The following CABP1 variants were observed in gnomAD, a reference collection of about 807,000 sequenced individuals.
CABP1 encodes calcium binding protein 1.
A neutral mutation model predicts 34.3 loss-of-function variants in CABP1; 17 were observed. The ratio of observed to expected loss-of-function variants is 0.50; its 90% CI spans 0.34 to 0.74. The LOEUF (loss-of-function observed/expected upper bound fraction) is 0.74, where lower values mean the gene tolerates loss of function less well. CABP1 is among the 30% of genes least tolerant of loss of function. The probability of loss-of-function intolerance (pLI) is 0.01; values close to 1 mark genes in which losing one functional copy is unlikely to be tolerated. For missense variants in CABP1, 373 were observed against 511.1 expected (o/e 0.73, Z 2.61); for synonymous variants, 198 against 229.2 (o/e 0.86, Z 1.23).
In CABP1 at chr12:120,667,177, C is replaced by G. The variant is rs1881058787; in HGVS notation, c.*277C>G. 1 of 558,334 alleles carries G rather than the reference C, an allele frequency of 1.8e-6. No individual in the cohort carries two copies. The allele number at this position is 558,334 out of a possible 1,614,324, so 34.6% of individuals were successfully genotyped here. A position where few individuals can be genotyped will look rare whatever the true frequency, so the allele number is the denominator to read the frequency against. On this transcript the variant is annotated 3_prime_UTR_variant, in exon 6 of 6. Transcript: ENST00000316803. ...GCGCCAAGGGCCATGTGCCCAGCTG[C>G]TGCTGGCTGGGTGGGCCAGGGAGCC...
chr12:120,653,760 C>T (rs751375877), intron 1 of CABP1, among the ~76,000 whole-genome samples: 65 of 152,138 alleles, frequency 4.3e-4, no homozygotes, highest in Non-Finnish European at 7.2e-4. Flanking sequence ...CTTGAACTCC[C>T]AACTTCAGGT....
chr12:120,652,744 G>A (rs1011003112), intron 1 of CABP1, among the ~76,000 whole-genome samples: 2 of 152,054 alleles, frequency 1.3e-5, no homozygotes, highest in African/African-American at 4.8e-5. Context: ...ACATTCATTC[G>A]GCAAGAGGGA....
chr12:120,650,404 C>T (rs115793257), intron 1 of CABP1: 6 of 1,218,184 alleles, frequency 4.9e-6, no homozygotes, highest in Admixed American at 3.0e-5. Flanking sequence ...GAAAGTTAAA[C>T]CCACACACAA....
chr12:120,650,723 G>A, intron 1 of CABP1: 1 of 1,594,544 alleles, frequency 6.3e-7, no homozygotes, highest in Non-Finnish European at 8.6e-7. Flanking sequence ...CTGGGGATTG[G>A]GGGTATCTCA....
chr12:120,658,088 C>CTTTTTTTTT (rs140287793), intron 1 of CABP1, among the ~76,000 whole-genome samples: 1 of 86,212 alleles, frequency 1.2e-5, no homozygotes, highest in Non-Finnish European at 2.2e-5. Flanking sequence ...CCATCACCAG[C>CTTTTTTTTT]TTTTTTTTTT....
At chr12:120,674,384 C>G in the CABP1 span, among the ~76,000 whole-genome samples, 2 of 152,210 alleles carry the variant, frequency 1.3e-5, no homozygotes, top group African/African-American at 2.4e-5. Flanking sequence ...CAGCTTAAAT[C>G]TGGGATCTGG....
intron 2 of CABP1, 21 bp downstream of exon 2, chr12:120,659,929 G>A (rs757394431): frequency 1.2e-6 from 2 of 1,612,358 alleles, no homozygotes; most frequent in South Asian, 1.1e-5. Flanking sequence ...GCCCCTTGGG[G>A]GAAAGGACTG....
rs374682576 is a variant in CABP1, at chr12:120,641,998, G to C, written c.654+659G>C. Among the ~76,000 whole-genome samples, 22 of 152,294 alleles carry C rather than the reference G, an allele frequency of 1.4e-4. No individual in the cohort carries two copies. Among genetic ancestry groups the C allele is most frequent in the African/African-American group, 5.3e-4 (22 of 41,556 alleles). On this transcript the variant is annotated intron_variant, in intron 1 of 5. Transcript: ENST00000316803. This position sits in a 1 kb window ranked among gnomAD's most constrained non-coding sequence, Gnocchi z 6.7. ...TTGGAAGGGTGAGAAAGGCCACAAA[G>C]AGGTCATCAGTGGTTCCCTCAGGCC...
chr12:120,668,305 C>A (rs963404219), downstream of CABP1, among the ~76,000 whole-genome samples: 4 of 152,200 alleles, frequency 2.6e-5, no homozygotes, highest in African/African-American at 9.6e-5. Context: ...CAAGACTAAC[C>A]TGACCAACGT....
intron 1 of CABP1, among the ~76,000 whole-genome samples, chr12:120,654,045 G>A (rs1429063760): frequency 2.0e-5 from 3 of 152,164 alleles, no homozygotes; most frequent in African/African-American, 7.2e-5. Flanking sequence ...GTTCTGCCTC[G>A]CTCTAGTCTT....
At position 120,661,298 on chromosome 12, in the gene CABP1, C is replaced by T. The variant is rs1346246184; in HGVS notation, c.1087+80C>T. ...GCCCTCCAATTGTGTATCCATCATGCAACCATCAATCCGCCCTAATTTTCC... is the reference window on the plus strand; with the variant it reads ...GCCCTCCAATTGTGTATCCATCATGTAACCATCAATCCGCCCTAATTTTCC... On this transcript the variant is annotated intron_variant, in intron 5 of 5. Transcript: ENST00000316803. This position sits in a 1 kb window ranked among gnomAD's most constrained non-coding sequence, Gnocchi z 5.1. 1.3e-6 allele frequency: 2 copies of T among 1,507,170 alleles called. No homozygotes were observed. The highest frequency in any genetic ancestry group is 2.8e-5 in the African/African-American group (2 of 72,258). The allele number at this position is 1,507,170 out of a possible 1,614,324, so 93.4% of individuals were successfully genotyped here. A position where few individuals can be genotyped will look rare whatever the true frequency, so the allele number is the denominator to read the frequency against.
chr12:120,651,673 C>G (rs980981771), intron 1 of CABP1, among the ~76,000 whole-genome samples: 1 of 152,242 alleles, frequency 6.6e-6, no homozygotes, highest in Non-Finnish European at 1.5e-5. Context: ...CCCATCCTAT[C>G]TTGGTCAGTT....
chr12:120,662,715 G>A (rs1223442531), intron 5 of CABP1, among the ~76,000 whole-genome samples: 5 of 132,356 alleles, frequency 3.8e-5, no homozygotes, highest in African/African-American at 5.8e-5. Context: ...ACAAAGTCTC[G>A]CTCTTGTACT....
At chr12:120,651,201 A>G (rs1191004503) in intron 1 of CABP1, among the ~76,000 whole-genome samples, 2 of 152,152 alleles carry the variant, frequency 1.3e-5, no homozygotes, top group Non-Finnish European at 2.9e-5. Flanking sequence ...ATTCTTCCCC[A>G]ATAATTCTTG....
At chr12:120,648,112 C>T (rs1879634976) in intron 1 of CABP1, among the ~76,000 whole-genome samples, 1 of 152,140 alleles carries the variant, frequency 6.6e-6, no homozygotes, top group South Asian at 2.1e-4. Context: ...TGGACCTTAA[C>T]CTGAGCTTCC....
At chr12:120,677,091 T>G in the CABP1 span, among the ~76,000 whole-genome samples, 2 of 150,760 alleles carry the variant, frequency 1.3e-5, no homozygotes, top group Non-Finnish European at 3.0e-5. Context: ...GTGGTTTTTT[T>G]TTTTTTTTTT....
At chr12:120,672,471 A>G in the CABP1 span, among the ~76,000 whole-genome samples, 3 of 151,852 alleles carry the variant, frequency 2.0e-5, no homozygotes, top group East Asian at 5.8e-4. Context: ...TGTCTCTACT[A>G]AAAATACAAA....
chr12:120,647,742 A>ATTT (rs11393885), intron 1 of CABP1, among the ~76,000 whole-genome samples: 1 of 130,472 alleles, frequency 7.7e-6, no homozygotes, highest in Admixed American at 7.7e-5. Context: ...TAACTTTTGT[A>ATTT]TTTTTTTTTT....
intron 1 of CABP1, among the ~76,000 whole-genome samples, chr12:120,647,867 C>A (rs1879623427): frequency 6.6e-6 from 1 of 151,956 alleles, no homozygotes; most frequent in South Asian, 2.1e-4. Context: ...CAGGTGTGAG[C>A]CACCACGCCC....
Sources: allele counts gnomAD v4.1 joint callset (sites outside exome capture counted in the v4.1 genomes callset), GRCh38; gene constraint gnomAD v4.1.1; non-coding constraint Gnocchi (gnomAD v3.1); transcripts MANE v1.5; gene names NCBI Gene and HGNC (gene_info 2026-07-23, HGNC 2026-07-21).